MCIDAS: variants seen among roughly 807,000 people sequenced by gnomAD.
MCIDAS encodes multiciliate differentiation and DNA synthesis associated cell cycle protein.
Under a neutral mutation model 35.4 loss-of-function variants are expected in MCIDAS, and 23 were observed. The ratio of observed to expected loss-of-function variants is 0.65; its 90% CI spans 0.47 to 0.92. The LOEUF is 0.92. Ranked by LOEUF, MCIDAS falls within the 40% of genes least tolerant of loss-of-function variation. MCIDAS has a pLI of 0.00. For missense variants in MCIDAS, 480 were observed against 531.8 expected (o/e 0.90, Z 0.96); for synonymous variants, 228 against 235.2 (o/e 0.97, Z 0.28).
rs1454466899 is a variant in MCIDAS, at chr5:55,222,270, C to T, written c.512G>A (p.Arg171His). 2.6e-6 allele frequency: 4 copies of T among 1,536,012 alleles called. No individual in the cohort carries two copies. The highest frequency in any genetic ancestry group is 1.4e-5 in the African/African-American group (1 of 73,162). The change falls in exon 5 of 7, where the codon CGC becomes CAC. Residue 171 changes from arginine to histidine, a missense_variant. Physicochemically the swap from Arg to His is conservative, Grantham distance 29. Transcript: ENST00000513312. Reference sequence around the variant, plus strand: ...CTCAGGCGGGGGCACGTCTGGAGGGCGCAGCGGTGGTGACTGCAGGGCCCG... The same window carrying T: ...CTCAGGCGGGGGCACGTCTGGAGGGTGCAGCGGTGGTGACTGCAGGGCCCG... ...DPRALQSPPL[R>H]PPDVPPPEQY... is the part of the protein sequence containing the mutation.
At position 55,222,108 on chromosome 5, in the gene MCIDAS, A is replaced by G. The variant is rs943390987; in HGVS notation, c.606+68T>C. On this transcript the variant is annotated intron_variant, in intron 5 of 6. Transcript: ENST00000513312. The stretch of plus-strand genomic sequence containing the variant: ...CAGGACCTCATCTTCTCCCTTGCAA[A>G]CCCCACTTCCACCCTCTATATCCTG... 13 of 1,458,136 alleles carry G rather than the reference A, an allele frequency of 8.9e-6. No homozygotes were observed. The Admixed American group carries it at 2.4e-4, about 27-fold the overall frequency. The allele number at this position is 1,458,136 out of a possible 1,614,324, so 90.3% of individuals were successfully genotyped here. A position where few individuals can be genotyped will look rare whatever the true frequency, so the allele number is the denominator to read the frequency against.
In MCIDAS at chr5:55,222,345, G is replaced by A. The variant is rs1371056485; in HGVS notation, c.437C>T (p.Pro146Leu). Reference protein sequence around the residue: ...TLASGDFPFSPCDISPFGPCL... With the variant: ...TLASGDFPFSLCDISPFGPCL... ...GGGCCCGAATGGTGATATGTCGCAA[G>A]GAGAGAAGGGGAAGTCTCCGCTGGC... The change falls in exon 5 of 7, where the codon CCT (proline) becomes CTT (leucine). Residue 146 changes from proline to leucine, a missense_variant. Transcript: ENST00000513312. The A allele has an allele frequency of 2.6e-6, 4 of 1,533,532 alleles. No homozygotes were observed. Among genetic ancestry groups the A allele is most frequent in the East Asian group, 4.9e-5 (2 of 40,816 alleles). 95.0% of individuals were successfully genotyped at this position (1,533,532 alleles called of 1,614,324 possible).
chr5:55,224,274 G>C (rs1745416503), intron 3 of MCIDAS, among the ~76,000 whole-genome samples: 1 of 151,962 alleles, frequency 6.6e-6, no homozygotes, highest in African/African-American at 2.4e-5. Context: ...TAGCCCACCA[G>C]AAAGACCTTA....
rs1420928187 is a variant in MCIDAS at position 55,226,951 on chromosome 5, T to A, written c.121-20A>T. On this transcript the variant is annotated intron_variant, in intron 1 of 6. Transcript: ENST00000513312. The stretch of plus-strand genomic sequence containing the variant: ...AGCGAACTGGCCGGGCACACAAACG[T>A]TGAACGCGGGTCAGCCCTCGGGGCA... 8 of 1,479,574 alleles carry A rather than the reference T, an allele frequency of 5.4e-6. No homozygotes were observed. The Middle Eastern group carries it at 8.7e-4, about 160-fold the overall frequency. 91.7% of individuals were successfully genotyped at this position (1,479,574 alleles called of 1,614,324 possible). A position where few individuals can be genotyped will look rare whatever the true frequency, so the allele number is the denominator to read the frequency against.
Position 55,220,312 on chromosome 5 carries a change from C to A in MCIDAS, c.*54G>T. On this transcript the variant is annotated 3_prime_UTR_variant, in exon 7 of 7. Coordinates refer to ENST00000513312, the MANE Select transcript of MCIDAS (RefSeq NM_001190787.3). ...CCTGAAGGCAAAGTTCTGGGAAGCC[C>A]CCAGGCACTTCAGTGGAAACACAGG... 1 of 1,477,512 alleles carries A rather than the reference C, an allele frequency of 6.8e-7. No homozygotes were observed. The highest frequency in any genetic ancestry group is 1.4e-5 in the African/African-American group (1 of 71,942). The allele number at this position is 1,477,512 out of a possible 1,614,324, so 91.5% of individuals were successfully genotyped here.
Position 55,226,666 on chromosome 5 carries a change from G to C in MCIDAS, c.219C>G (p.Ala73=), listed in dbSNP as rs770934368. 1.2e-4 allele frequency: 177 copies of C among 1,503,196 alleles called. No individual in the cohort carries two copies. Among genetic ancestry groups the C allele is most frequent in the Admixed American group, 4.4e-5 (2 of 45,896 alleles). 93.1% of individuals were successfully genotyped at this position (1,503,196 alleles called of 1,614,324 possible). Residue 73 remains alanine, a splice_region_variant and synonymous_variant, in exon 3 of 7, where the codon GCC becomes GCG. Transcript: ENST00000513312. ...PPDAEPTALP[A]LTTIDLQDLA... Reference sequence around the variant, plus strand: ...GGTCCTGCAGGTCTATGGTGGTGAGGGCTGCGCGGGGAGACCGGGAGACAC... The same window carrying C: ...GGTCCTGCAGGTCTATGGTGGTGAGCGCTGCGCGGGGAGACCGGGAGACAC...
chr5:55,226,462 C>T, intron 3 of MCIDAS, 114 bp downstream of exon 3: 2 of 1,021,680 alleles, frequency 2.0e-6, no homozygotes, highest in South Asian at 3.3e-5. Context: ...CCCTCACCAG[C>T]TGAGTGTGCC....
In MCIDAS at chr5:55,222,176, T is replaced by C; in HGVS notation, c.606A>G (p.Gln202=). The C allele has an allele frequency of 6.5e-7, 1 of 1,534,564 alleles. No homozygotes were observed. Among genetic ancestry groups the C allele is most frequent in the Non-Finnish European group, 8.7e-7 (1 of 1,146,866 alleles). The part of the protein sequence containing the change: ...ALGDALVENN[Q]LHVTLTQKQE... Reference sequence around the variant, plus strand: ...CTGGTCGCCAGACCAGTGTCCCTACTTGATTATTCTCAACAAGCGCGTCTC... The same window carrying C: ...CTGGTCGCCAGACCAGTGTCCCTACCTGATTATTCTCAACAAGCGCGTCTC... Residue 202 remains glutamine (Q), a splice_region_variant and synonymous_variant, in exon 5 of 7, where the codon CAA becomes CAG. Transcript: ENST00000513312.
chr5:55,222,847 G>T, intron 4 of MCIDAS, 104 bp downstream of exon 4: 1 of 945,138 alleles, frequency 1.1e-6, no homozygotes, highest in Non-Finnish European at 1.6e-6. Context: ...GTCGTTGACA[G>T]TTGGCTGGGT....
Position 55,220,719 on chromosome 5 carries a change from A to C in MCIDAS, c.805T>G (p.Leu269Val), listed in dbSNP as rs2111689660. 2 of 1,535,824 alleles carry C rather than the reference A, an allele frequency of 1.3e-6. No individual in the cohort carries two copies. Among genetic ancestry groups the C allele is most frequent in the Middle Eastern group, 1.7e-4 (1 of 5,984 alleles). The part of the protein sequence containing the change: ...KAKAKRSLEE[L>V]VSAAGQDCAE... ...CAATCCTGCCCCGCAGCGCTGACCA[A>C]CTCCTCCAGGCTCCTTTTGGCCTTC... The change falls in exon 7 of 7, where the codon TTG becomes GTG. Residue 269 changes from leucine to valine, a missense_variant. Transcript: ENST00000513312.
Position 55,223,720 on chromosome 5 carries a change from G to T in MCIDAS, c.310-697C>A, listed in dbSNP as rs1309238664. 6.6e-6 allele frequency among the ~76,000 whole-genome samples: 1 copy of T among 152,242 alleles called. No individual in the cohort carries two copies. The highest frequency in any genetic ancestry group is 1.5e-5 in the Non-Finnish European group (1 of 68,042). ...GGCCCCAGCTAACCGCCCCACCCATGCAACCGAGCGGGAAGAAAGCTGTGA... is the reference window on the plus strand; with the variant it reads ...GGCCCCAGCTAACCGCCCCACCCATTCAACCGAGCGGGAAGAAAGCTGTGA... On this transcript the variant is annotated intron_variant, in intron 3 of 6. Coordinates refer to ENST00000513312, the MANE Select transcript of MCIDAS (RefSeq NM_001190787.3). The surrounding 1 kb of genome is among the most constrained non-coding windows in gnomAD (Gnocchi z 4.4).
intron 3 of MCIDAS, among the ~76,000 whole-genome samples, chr5:55,224,167 G>A (rs1745414765): frequency 6.6e-6 from 1 of 151,888 alleles, no homozygotes; most frequent in African/African-American, 2.4e-5. Flanking sequence ...ATTTCCTCTA[G>A]CTTTTCTCTC....
Position 55,223,989 on chromosome 5 carries a change from A to G in MCIDAS, c.310-966T>C, listed in dbSNP as rs1455459396. Among the ~76,000 whole-genome samples the G allele has an allele frequency of 6.6e-6, 1 of 152,096 alleles. No homozygotes were observed. The highest frequency in any genetic ancestry group is 1.5e-5 in the Non-Finnish European group (1 of 68,002). The stretch of plus-strand genomic sequence containing the variant: ...TTGTTCCCTTAATTCATGGACATTT[A>G]GAGTTGATAAAAACGCTTTTACACA... On this transcript the variant is annotated intron_variant, in intron 3 of 6. Transcript: ENST00000513312. This position sits in a 1 kb window ranked among gnomAD's most constrained non-coding sequence, Gnocchi z 4.4.
rs1745390426 is a variant in MCIDAS, at chr5:55,223,055, C to T, written c.310-32G>A. 1 of 1,506,804 alleles carries T rather than the reference C, an allele frequency of 6.6e-7. No individual in the cohort carries two copies. The highest frequency in any genetic ancestry group is 8.9e-7 in the Non-Finnish European group (1 of 1,120,818). The allele number at this position is 1,506,804 out of a possible 1,614,324, so 93.3% of individuals were successfully genotyped here. On this transcript the variant is annotated intron_variant, in intron 3 of 6. Transcript: ENST00000513312. The surrounding 1 kb of genome is among the most constrained non-coding windows in gnomAD (Gnocchi z 4.4). Reference sequence around the variant, plus strand: ...AAAACCAGAGGTGTACACTGGTTAACGAGTCTGGCGTTAGAAAGCCTTCAA... The same window carrying T: ...AAAACCAGAGGTGTACACTGGTTAATGAGTCTGGCGTTAGAAAGCCTTCAA...
In MCIDAS at chr5:55,222,984, C is replaced by T. The variant is rs1349739216; in HGVS notation, c.349G>A (p.Asp117Asn). 1 of 1,536,142 alleles carries T rather than the reference C, an allele frequency of 6.5e-7. No individual in the cohort carries two copies. The highest frequency in any genetic ancestry group is 1.2e-5 in the South Asian group (1 of 84,060). ...HQTEADFNLQ[D>N]FRDTVDDLIS... ...AGATCATCCACCGTGTCTCTGAAATCTTGCAGATTGAAGTCTGCTTCCGTT... is the reference window on the plus strand; with the variant it reads ...AGATCATCCACCGTGTCTCTGAAATTTTGCAGATTGAAGTCTGCTTCCGTT... The change falls in exon 4 of 7, where the codon GAT becomes AAT. Residue 117 changes from aspartate (D) to asparagine (N), a missense_variant. Transcript: ENST00000513312.
At position 55,226,657 on chromosome 5, in the gene MCIDAS, G is replaced by A. The variant is rs892066931; in HGVS notation, c.228C>T (p.Thr76=). 3.5e-5 allele frequency: 54 copies of A among 1,524,470 alleles called. No homozygotes were observed. Among genetic ancestry groups the A allele is most frequent in the Non-Finnish European group, 4.4e-5 (50 of 1,141,702 alleles). 94.4% of individuals were successfully genotyped at this position (1,524,470 alleles called of 1,614,324 possible). A position where few individuals can be genotyped will look rare whatever the true frequency, so the allele number is the denominator to read the frequency against. ...AEPTALPALT[T]IDLQDLADCS... ...AGTCAGCGAGGTCCTGCAGGTCTATGGTGGTGAGGGCTGCGCGGGGAGACC... is the reference window on the plus strand; with the variant it reads ...AGTCAGCGAGGTCCTGCAGGTCTATAGTGGTGAGGGCTGCGCGGGGAGACC... The change falls in exon 3 of 7, where the codon ACC becomes ACT. Residue 76 remains threonine, a synonymous_variant. Coordinates refer to ENST00000513312, the MANE Select transcript of MCIDAS (RefSeq NM_001190787.3).
In MCIDAS at chr5:55,223,631, C is replaced by G. The variant is rs1226488220; in HGVS notation, c.310-608G>C. The stretch of plus-strand genomic sequence containing the variant: ...GTCTTGAACACCGGATCTTTCCACC[C>G]AAGACCCGACAGCGTGCAGGGGCCT... On this transcript the variant is annotated intron_variant, in intron 3 of 6. Transcript: ENST00000513312. This position sits in a 1 kb window ranked among gnomAD's most constrained non-coding sequence, Gnocchi z 4.4. 6.6e-6 allele frequency among the ~76,000 whole-genome samples: 1 copy of G among 152,224 alleles called. No individual in the cohort carries two copies. The highest frequency in any genetic ancestry group is 1.5e-5 in the Non-Finnish European group (1 of 68,042).
chr5:55,220,510 G>A lies in MCIDAS; in HGVS notation c.1014C>T (p.Ser338=). 15 of 1,536,082 alleles carry A rather than the reference G, an allele frequency of 9.8e-6. No homozygotes were observed. Among genetic ancestry groups the A allele is most frequent in the Non-Finnish European group, 1.3e-5 (15 of 1,146,902 alleles). ...AGCCGCCCTCCTCCAGCTCACTGTG[G>A]CTCAGGTTCAACGCGCTCCGGCTGC... ...TDCSRSALNL[S]HSELEEGGSF... Residue 338 remains serine, a synonymous_variant, in exon 7 of 7, where the codon AGC becomes AGT. Coordinates refer to ENST00000513312, the MANE Select transcript of MCIDAS (RefSeq NM_001190787.3).
chr5:55,226,128 G>A (rs1206201388), intron 3 of MCIDAS, among the ~76,000 whole-genome samples: 1 of 152,108 alleles, frequency 6.6e-6, no homozygotes, highest in Non-Finnish European at 1.5e-5. Flanking sequence ...AGTCCTGATA[G>A]AGAAGTTATC....
Sources: gnomAD v4.1 joint callset for allele counts (sites outside exome capture counted in the v4.1 genomes callset) on GRCh38, gnomAD v4.1.1 for gene constraint, Gnocchi (gnomAD v3.1) non-coding constraint, MANE v1.5 for transcripts, NCBI Gene and HGNC (gene_info 2026-07-23, HGNC 2026-07-21) for gene names.